Variants in FNBP1L observed in about 807,000 individuals in gnomAD.
FNBP1L encodes formin binding protein 1 like, also known as formin-binding protein 1-like.
Under a neutral mutation model 91.2 loss-of-function variants are expected in FNBP1L, and 36 were observed. That is an observed-to-expected ratio of 0.39 (90% CI 0.30 to 0.52). The LOEUF is 0.52. Among genes scored for constraint, FNBP1L ranks in the 20% least tolerant of loss-of-function variants. FNBP1L has a pLI of 0.66. For synonymous variants in FNBP1L, 242 were observed against 237.0 expected (o/e 1.02, Z -0.19); for missense variants, 571 against 732.1 (o/e 0.78, Z 2.54).
intron 10 of FNBP1L, among the ~76,000 whole-genome samples, chr1:93,540,221 ATTG>A (rs1671991188): frequency 1.3e-5 from 2 of 152,136 alleles, no homozygotes; most frequent in African/African-American, 4.8e-5. Context: ...TATATAAAGT[ATTG>A]TTGTACAAGA....
At chr1:93,527,758 G>T (rs570482947) in intron 5 of FNBP1L, among the ~76,000 whole-genome samples, 147 of 152,156 alleles carry the variant, frequency 9.7e-4, no homozygotes, top group African/African-American at 3.4e-3. Flanking sequence ...GATATTTAAA[G>T]AAGACATCTA....
chr1:93,499,162 C>T (rs1490478304), intron 1 of FNBP1L, among the ~76,000 whole-genome samples: 2 of 152,014 alleles, frequency 1.3e-5, no homozygotes, highest in Non-Finnish European at 2.9e-5. Flanking sequence ...AATGCCTGAA[C>T]AGAATCTCAA....
intron 1 of FNBP1L, among the ~76,000 whole-genome samples, chr1:93,457,418 T>G (rs1230533293): frequency 6.6e-6 from 1 of 152,194 alleles, no homozygotes; most frequent in Non-Finnish European, 1.5e-5. Context: ...TTGCTTGGGG[T>G]CATTACTGGT....
At chr1:93,543,945 A>T (rs576267466) in intron 11 of FNBP1L, 162 bp from the exon 12 acceptor site, 267 of 442,530 alleles carry the variant, frequency 6.0e-4, no homozygotes, top group Non-Finnish European at 4.8e-4. Context: ...ATACGCATAA[A>T]CACACACATC....
chr1:93,520,662 A>G (rs1671290402), intron 2 of FNBP1L, among the ~76,000 whole-genome samples: 1 of 152,024 alleles, frequency 6.6e-6, no homozygotes, highest in Non-Finnish European at 1.5e-5. Context: ...TATTTCTCGT[A>G]ACTGTATGGG....
chr1:93,461,019 C>T (rs916935619), intron 1 of FNBP1L, among the ~76,000 whole-genome samples: 2 of 152,034 alleles, frequency 1.3e-5, no homozygotes, highest in Non-Finnish European at 2.9e-5. Flanking sequence ...TCCAAGTTTG[C>T]ATTTTTTTCT....
At position 93,553,125 on chromosome 1, in the gene FNBP1L, A is replaced by G. The variant is rs1312423897; in HGVS notation, c.*709A>G. The G allele has an allele frequency of 1.3e-5, 2 of 152,666 alleles. No homozygotes were observed. The highest frequency in any genetic ancestry group is 2.4e-5 in the African/African-American group (1 of 41,460). 9.5% of individuals were successfully genotyped at this position (152,666 alleles called of 1,614,324 possible). A position where few individuals can be genotyped will look rare whatever the true frequency, so the allele number is the denominator to read the frequency against. ...AAAGAAAACATCTCTGCTGTAGCCTACAGCCCAGTTGAAAGAACTCTTTGA... is the reference window on the plus strand; with the variant it reads ...AAAGAAAACATCTCTGCTGTAGCCTGCAGCCCAGTTGAAAGAACTCTTTGA... On this transcript the variant is annotated 3_prime_UTR_variant, in exon 17 of 17. Coordinates refer to ENST00000271234, the MANE Select transcript of FNBP1L (RefSeq NM_001164473.3).
At chr1:93,499,129 T>G (rs1670361513) in intron 1 of FNBP1L, among the ~76,000 whole-genome samples, 1 of 152,082 alleles carries the variant, frequency 6.6e-6, no homozygotes, top group African/African-American at 2.4e-5. Flanking sequence ...TCTGAGAGTT[T>G]AGGACCATTT....
At chr1:93,479,503 G>A (rs1406765449) in intron 1 of FNBP1L, among the ~76,000 whole-genome samples, 1 of 152,090 alleles carries the variant, frequency 6.6e-6, no homozygotes, top group Non-Finnish European at 1.5e-5. Context: ...TGAGCCTGAG[G>A]GTACTGCAGG....
rs370353493 is a variant in FNBP1L, at chr1:93,517,043, CT to C, written c.141-5025del. Among the ~76,000 whole-genome samples, 452 of 141,330 alleles carry C rather than the reference CT, an allele frequency of 3.2e-3. 2 individuals carry two copies. Among genetic ancestry groups the C allele is most frequent in the African/African-American group, 7.1e-3 (276 of 38,772 alleles). The allele number at this position is 141,330 out of a possible 152,430, so 92.7% of individuals were successfully genotyped here. A position where few individuals can be genotyped will look rare whatever the true frequency, so the allele number is the denominator to read the frequency against. ...CTCCTCTTTTCTTCTTTTCCTCTTC[CT>C]TTTTTTTTTTTTTGAGACAGAGCCT... is the stretch of plus-strand genomic sequence containing the variant. On this transcript the variant is annotated intron_variant, in intron 2 of 16. Coordinates refer to ENST00000271234, the MANE Select transcript of FNBP1L (RefSeq NM_001164473.3).
intron 2 of FNBP1L, among the ~76,000 whole-genome samples, chr1:93,512,968 A>G (rs1570825799): frequency 6.6e-6 from 1 of 152,172 alleles, no homozygotes; most frequent in African/African-American, 2.4e-5. Context: ...CCTTCAAAAA[A>G]TTAATGAATC....
intron 1 of FNBP1L, among the ~76,000 whole-genome samples, chr1:93,493,454 A>G (rs941486126): frequency 6.6e-6 from 1 of 152,186 alleles, no homozygotes; most frequent in Non-Finnish European, 1.5e-5. Flanking sequence ...CTGTTGTACA[A>G]CCATCACCAC....
At chr1:93,514,580 A>G (rs1327491437) in intron 2 of FNBP1L, among the ~76,000 whole-genome samples, 2 of 152,198 alleles carry the variant, frequency 1.3e-5, no homozygotes, top group African/African-American at 2.4e-5. Context: ...ATGTAGATCA[A>G]TGGAACAGAA....
At chr1:93,456,876 T>A (rs1004491035) in intron 1 of FNBP1L, among the ~76,000 whole-genome samples, 10 of 152,154 alleles carry the variant, frequency 6.6e-5, no homozygotes, top group Admixed American at 6.5e-4. Context: ...GCTTAATATA[T>A]GCCAATTGCT....
At chr1:93,449,645 A>G (rs1668418667) in intron 1 of FNBP1L, among the ~76,000 whole-genome samples, 1 of 152,214 alleles carries the variant, frequency 6.6e-6, no homozygotes, top group Non-Finnish European at 1.5e-5. Context: ...ACAAGTGCTT[A>G]CCCAGTCTGA....
At chr1:93,459,978 T>TGTG (rs1557774003) in intron 1 of FNBP1L, among the ~76,000 whole-genome samples, 2 of 125,642 alleles carry the variant, frequency 1.6e-5, no homozygotes, top group African/African-American at 2.6e-5. Flanking sequence ...TGTGTGTGTG[T>TGTG]TTTTGGGATA....
intron 1 of FNBP1L, among the ~76,000 whole-genome samples, chr1:93,462,059 T>C (rs957271298): frequency 7.9e-5 from 12 of 152,252 alleles, no homozygotes; most frequent in African/African-American, 2.9e-4. Flanking sequence ...GGGCAGTGCA[T>C]GGTGGAGTTG....
chr1:93,480,467 A>G (rs1669657974), intron 1 of FNBP1L, among the ~76,000 whole-genome samples: 1 of 152,198 alleles, frequency 6.6e-6, no homozygotes, highest in African/African-American at 2.4e-5. Context: ...TAAATGAGAA[A>G]TGCATGGAAA....
chr1:93,524,457 T>C (rs900898865), intron 5 of FNBP1L, 134 bp downstream of exon 5: 68 of 597,514 alleles, frequency 1.1e-4, no homozygotes, highest in Non-Finnish European at 7.5e-5. Flanking sequence ...GGTATTATTG[T>C]ATAATAGTCA....
Sources: gnomAD v4.1 joint callset for allele counts (sites outside exome capture counted in the v4.1 genomes callset) on GRCh38, gnomAD v4.1.1 for gene constraint, MANE v1.5 for transcripts, NCBI Gene and HGNC (gene_info 2026-07-23, HGNC 2026-07-21) for gene names.